The following ACOT7 variants were observed in gnomAD, a reference collection of about 807,000 sequenced individuals.
The protein encoded by ACOT7 is acyl-CoA thioesterase 7.
In ACOT7, 12 loss-of-function variants were observed where a neutral mutation model predicts 40.2. That is an observed-to-expected ratio of 0.30 (90% CI 0.19 to 0.48). The LOEUF is 0.48. Ranked by LOEUF, ACOT7 falls within the 20% of genes least tolerant of loss-of-function variation. The pLI is 0.99. For synonymous variants in ACOT7, 228 were observed against 219.5 expected (o/e 1.04, Z -0.34); for missense variants, 395 against 530.8 (o/e 0.74, Z 2.51).
intron 1 of ACOT7, among the ~76,000 whole-genome samples, chr1:6,353,043 T>TA (rs1384493821): frequency 6.6e-6 from 1 of 152,126 alleles, no homozygotes; most frequent in Non-Finnish European, 1.5e-5. Context: ...CACGCCTGGC[T>TA]AAATTTTGTA....
intron 6 of ACOT7, among the ~76,000 whole-genome samples, chr1:6,303,085 G>A (rs182033979): frequency 6.6e-6 from 1 of 152,322 alleles, no homozygotes; most frequent in African/African-American, 2.4e-5. Flanking sequence ...TTCTTCCGCT[G>A]TATTTAAAAT....
chr1:6,272,680 G>A (rs575424697), intron 8 of ACOT7, among the ~76,000 whole-genome samples: 2 of 152,304 alleles, frequency 1.3e-5, no homozygotes, highest in South Asian at 2.1e-4. Context: ...TGCTGAGAGC[G>A]CCGAGCCAAG....
intron 1 of ACOT7, among the ~76,000 whole-genome samples, chr1:6,363,407 T>C (rs891040581): frequency 3.3e-5 from 5 of 152,120 alleles, no homozygotes; most frequent in South Asian, 2.1e-4. Context: ...CCACCTCTTG[T>C]GGAGGGCCTG....
chr1:6,381,682 G>A (rs996696503), intron 1 of ACOT7, among the ~76,000 whole-genome samples: 1 of 151,602 alleles, frequency 6.6e-6, no homozygotes, highest in African/African-American at 2.4e-5. Flanking sequence ...TCCACTTCTG[G>A]GAATATATCC....
rs1189661483 is a variant in ACOT7 at position 6,284,733 on chromosome 1, G to A, written c.830-3447C>T. On this transcript the variant is annotated intron_variant, in intron 7 of 8. Coordinates refer to ENST00000361521, the MANE Select transcript of ACOT7 (RefSeq NM_007274.4). ...CATCGAGGCCTCCCTGGGGACGGAG[G>A]TCCATCCAGGTGGGGTTGGGGTGAT... Among the ~76,000 whole-genome samples the A allele has an allele frequency of 2.0e-5, 3 of 152,182 alleles. No individual in the cohort carries two copies. The East Asian group carries it at 5.8e-4, about 29-fold the overall frequency.
At chr1:6,389,774 CA>C (rs33955440) in intron 1 of ACOT7, among the ~76,000 whole-genome samples, 19,624 of 90,964 alleles carry the variant, frequency 0.22, 1,868 homozygotes, top group African/African-American at 0.39. Flanking sequence ...GACTCCCTCT[CA>C]AAAAAAAAAA....
intron 2 of ACOT7, among the ~76,000 whole-genome samples, chr1:6,340,841 G>C (rs1029752946): frequency 6.6e-6 from 1 of 152,028 alleles, no homozygotes. Flanking sequence ...TTCGAGACCA[G>C]CCTGGCCAAC....
At chr1:6,290,310 C>A (rs1639629002) in intron 7 of ACOT7, among the ~76,000 whole-genome samples, 1 of 152,216 alleles carries the variant, frequency 6.6e-6, no homozygotes, top group Non-Finnish European at 1.5e-5. Flanking sequence ...GTTACAGCAG[C>A]CCCAGGAAAC....
intron 8 of ACOT7, among the ~76,000 whole-genome samples, chr1:6,271,978 G>A (rs558992503): frequency 1.3e-5 from 2 of 152,386 alleles, no homozygotes; most frequent in African/African-American, 2.4e-5. Flanking sequence ...ACGGAGTGCC[G>A]TGGTCCCGGG....
intron 5 of ACOT7, among the ~76,000 whole-genome samples, chr1:6,322,422 C>T (rs72858309): frequency 0.057 from 8,661 of 152,258 alleles, 708 homozygotes; most frequent in African/African-American, 0.18. Context: ...GGAGGGGAGG[C>T]GGTTTGAAAT....
chr1:6,272,526 C>G (rs772885298), intron 8 of ACOT7, among the ~76,000 whole-genome samples: 6 of 152,188 alleles, frequency 3.9e-5, no homozygotes, highest in Non-Finnish European at 8.8e-5. Context: ...TGCTTCTGAT[C>G]CTGCACACAC....
chr1:6,362,995 A>G (rs758391835), intron 1 of ACOT7, among the ~76,000 whole-genome samples: 8 of 152,204 alleles, frequency 5.3e-5, no homozygotes, highest in Non-Finnish European at 1.5e-5. Flanking sequence ...GTATAATAAA[A>G]TATATAAAAC....
intron 8 of ACOT7, among the ~76,000 whole-genome samples, chr1:6,276,875 A>G (rs943844808): frequency 6.6e-6 from 1 of 152,154 alleles, no homozygotes; most frequent in Non-Finnish European, 1.5e-5. Context: ...GTAGATCAAC[A>G]TGACGCGGCC....
At chr1:6,332,682 G>A (rs1640989686) in intron 4 of ACOT7, among the ~76,000 whole-genome samples, 2 of 152,090 alleles carry the variant, frequency 1.3e-5, no homozygotes, top group Non-Finnish European at 2.9e-5. Flanking sequence ...TTAGCTGGGT[G>A]TGGTGGCGGG....
intron 2 of ACOT7, among the ~76,000 whole-genome samples, chr1:6,345,881 T>A (rs1641405986): frequency 1.3e-5 from 2 of 152,158 alleles, no homozygotes; most frequent in Admixed American, 6.5e-5. Flanking sequence ...AAGCGCTTAC[T>A]CGGTGGACGC....
At chr1:6,323,834 C>G (rs1284774584) in intron 5 of ACOT7, among the ~76,000 whole-genome samples, 1 of 145,692 alleles carries the variant, frequency 6.9e-6, no homozygotes, top group Non-Finnish European at 1.5e-5. Flanking sequence ...TCTGAGGTAC[C>G]TGAAAGACGA....
intron 8 of ACOT7, among the ~76,000 whole-genome samples, chr1:6,271,547 A>T (rs963971271): frequency 2.0e-5 from 3 of 152,208 alleles, no homozygotes; most frequent in African/African-American, 7.2e-5. Context: ...CAGCCTCACA[A>T]GCACCTGTGC....
At chr1:6,360,504 C>A (rs1397307609) in intron 1 of ACOT7, 1 of 1,590,696 alleles carries the variant, frequency 6.3e-7, no homozygotes, top group Non-Finnish European at 8.6e-7. Flanking sequence ...CAGGACAGGT[C>A]CTCCCAAACA....
chr1:6,313,310 A>C (rs1239242288), intron 6 of ACOT7, among the ~76,000 whole-genome samples: 1 of 152,240 alleles, frequency 6.6e-6, no homozygotes, highest in Non-Finnish European at 1.5e-5. Context: ...AGGGAAGATC[A>C]GGCCAGCAGA....
Sources: allele counts gnomAD v4.1 joint callset (sites outside exome capture counted in the v4.1 genomes callset), GRCh38; gene constraint gnomAD v4.1.1; transcripts MANE v1.5; gene names NCBI Gene and HGNC (gene_info 2026-07-23, HGNC 2026-07-21).